BTNL8: variants seen among roughly 807,000 people sequenced by gnomAD.
BTNL8 encodes the protein butyrophilin-like protein 8.
BTNL8 carries 22 observed loss-of-function variants against 36.1 expected under a neutral mutation model. The observed-to-expected ratio is 0.61, with a 90% CI of 0.44 to 0.87. BTNL8 has a LOEUF of 0.87. Ranked by LOEUF, BTNL8 falls within the 40% of genes least tolerant of loss-of-function variation. The pLI is 0.00. For missense variants in BTNL8, 526 were observed against 616.9 expected, an observed-to-expected ratio of 0.85 and a Z score of 1.56; for synonymous variants, 203 against 235.6, an observed-to-expected ratio of 0.86 and a Z score of 1.27.
intron 3 of BTNL8, among the ~76,000 whole-genome samples, chr5:180,937,163 C>T (rs1758691821): frequency 1.3e-5 from 2 of 152,226 alleles, no homozygotes; most frequent in South Asian, 2.1e-4. Context: ...CTACGTGCAT[C>T]GTCTAGGACT....
At chr5:180,928,164 A>G (rs1195214975) in intron 3 of BTNL8, among the ~76,000 whole-genome samples, 1 of 152,216 alleles carries the variant, frequency 6.6e-6, no homozygotes, top group Admixed American at 6.5e-5. Context: ...GCCAGAAGAG[A>G]GTGAGGGCTA....
At chr5:180,910,744 C>T (rs1045562016) in intron 2 of BTNL8, among the ~76,000 whole-genome samples, 2 of 152,196 alleles carry the variant, frequency 1.3e-5, no homozygotes, top group African/African-American at 4.8e-5. Context: ...ACACTTTTCT[C>T]TACTCTGTCT....
At chr5:180,911,890 G>A (rs1757418094) in intron 3 of BTNL8, among the ~76,000 whole-genome samples, 1 of 152,100 alleles carries the variant, frequency 6.6e-6, no homozygotes, top group Non-Finnish European at 1.5e-5. Flanking sequence ...ACTTGACTGG[G>A]TCACGATTTG....
intron 3 of BTNL8, among the ~76,000 whole-genome samples, chr5:180,914,056 T>G (rs1042999827): frequency 3.9e-5 from 6 of 152,192 alleles, no homozygotes; most frequent in African/African-American, 1.2e-4. Flanking sequence ...TACAAAAACT[T>G]TGAAGAAAAT....
At chr5:180,944,740 AC>A (rs1759157088) in intron 3 of BTNL8, among the ~76,000 whole-genome samples, 1 of 152,238 alleles carries the variant, frequency 6.6e-6, no homozygotes, top group African/African-American at 2.4e-5. Context: ...CATATTGTAC[AC>A]ATATATCAAA....
chr5:180,939,082 T>C (rs747136735), intron 3 of BTNL8, among the ~76,000 whole-genome samples: 34 of 152,058 alleles, frequency 2.2e-4, no homozygotes, highest in Admixed American at 6.6e-5. Context: ...TTTATCACTA[T>C]AGTAATCCAT....
intron 1 of BTNL8, among the ~76,000 whole-genome samples, chr5:180,908,219 C>T (rs995961414): frequency 1.1e-4 from 17 of 152,188 alleles, no homozygotes; most frequent in African/African-American, 3.4e-4. Flanking sequence ...CGTGGTGCGC[C>T]GTTTCTTAAG....
At chr5:180,936,288 GA>G (rs1315117859) in intron 3 of BTNL8, among the ~76,000 whole-genome samples, 1 of 151,952 alleles carries the variant, frequency 6.6e-6, no homozygotes, top group Non-Finnish European at 1.5e-5. Context: ...ACATTGGAAA[GA>G]AAAAAGTAAA....
rs554452426 is a variant in BTNL8, at chr5:180,947,904, A to G, written c.787+279A>G. On this transcript the variant is annotated intron_variant, in intron 4 of 7. Transcript: ENST00000340184. Reference sequence around the variant, plus strand: ...AGAGCTTGGATAATTTTCCATGAACACCACCAAGACTCCTATTAAAAAGTT... The same window carrying G: ...AGAGCTTGGATAATTTTCCATGAACGCCACCAAGACTCCTATTAAAAAGTT... The G allele has an allele frequency of 2.7e-6, 3 of 1,102,524 alleles. No homozygotes were observed. In the South Asian group the frequency reaches 4.7e-5, roughly 17 times the overall value. 68.3% of individuals were successfully genotyped at this position (1,102,524 alleles called of 1,614,324 possible). A position where few individuals can be genotyped will look rare whatever the true frequency, so the allele number is the denominator to read the frequency against.
intron 3 of BTNL8, among the ~76,000 whole-genome samples, chr5:180,932,616 T>A (rs1463932371): frequency 6.6e-6 from 1 of 152,206 alleles, no homozygotes; most frequent in Non-Finnish European, 1.5e-5. Context: ...CCCAAAGTGC[T>A]GGGATTACAG....
chr5:180,927,057 G>A (rs975165479), intron 3 of BTNL8, among the ~76,000 whole-genome samples: 3 of 152,162 alleles, frequency 2.0e-5, no homozygotes, highest in African/African-American at 7.2e-5. Flanking sequence ...GTCGACAGAC[G>A]CCTCATACAG....
Position 180,908,708 on chromosome 5 carries a change from G to A in BTNL8, c.172G>A (p.Gly58Ser), listed in dbSNP as rs1278140311. Reference sequence around the variant, plus strand: ...GGCCATGGAAGTGCGGTTCTTCAGGGGCCAGTTCTCTAGCGTGGTCCACCT... The same window carrying A: ...GGCCATGGAAGTGCGGTTCTTCAGGAGCCAGTTCTCTAGCGTGGTCCACCT... ...AEAMEVRFFRGQFSSVVHLYR... is the reference protein window; with the variant it reads ...AEAMEVRFFRSQFSSVVHLYR... Residue 58 changes from glycine (G) to serine (S), a missense_variant, in exon 2 of 8, where the codon GGC becomes AGC. Physicochemically the swap from Gly to Ser is moderately conservative, Grantham distance 56. Coordinates refer to ENST00000340184, the MANE Select transcript of BTNL8 (RefSeq NM_001040462.3). The A allele has an allele frequency of 1.2e-6, 2 of 1,614,224 alleles. No homozygotes were observed. Among genetic ancestry groups the A allele is most frequent in the Non-Finnish European group, 1.7e-6 (2 of 1,180,036 alleles).
chr5:180,906,791 T>G (rs1757103094), intron 1 of BTNL8, among the ~76,000 whole-genome samples: 1 of 107,352 alleles, frequency 9.3e-6, no homozygotes, highest in Non-Finnish European at 1.8e-5. Context: ...AAGCTTAGTT[T>G]GGCTGGATAT....
At chr5:180,905,232 A>G (rs1757025614) in intron 1 of BTNL8, among the ~76,000 whole-genome samples, 1 of 150,946 alleles carries the variant, frequency 6.6e-6, no homozygotes, top group Admixed American at 6.6e-5. Flanking sequence ...CAGAGATTCA[A>G]CTTCTTCCTG....
At position 180,947,600 on chromosome 5, in the gene BTNL8, G is replaced by A. The variant is rs1008964349; in HGVS notation, c.762G>A (p.Leu254=). The change falls in exon 4 of 8, where the codon CTG becomes CTA. Residue 254 remains leucine (L), a synonymous_variant. Coordinates refer to ENST00000340184, the MANE Select transcript of BTNL8 (RefSeq NM_001040462.3). ...GCCTATTTTTTGGCATTGTTGGACT[G>A]AAGATTTTCTTCTCCAAATTCCAGT... The part of the protein sequence containing the change: ...CCGLFFGIVG[L]KIFFSKFQWK... 2 of 1,614,196 alleles carry A rather than the reference G, an allele frequency of 1.2e-6. No homozygotes were observed. The highest frequency in any genetic ancestry group is 1.1e-5 in the South Asian group (1 of 91,082).
rs375624272 is a variant in BTNL8, at chr5:180,946,798, T to C, written c.674-714T>C. On this transcript the variant is annotated intron_variant, in intron 3 of 7. Coordinates refer to ENST00000340184, the MANE Select transcript of BTNL8 (RefSeq NM_001040462.3). ...TAAAAATGATAAGTAAGGGAGATGATGGATGTCTTAATTAGCTTGATTTAA... is the reference window on the plus strand; with the variant it reads ...TAAAAATGATAAGTAAGGGAGATGACGGATGTCTTAATTAGCTTGATTTAA... 2.0e-5 allele frequency among the ~76,000 whole-genome samples: 3 copies of C among 152,234 alleles called. No individual in the cohort carries two copies. The East Asian group carries it at 5.8e-4, about 29-fold the overall frequency.
intron 2 of BTNL8, chr5:180,909,455 T>C (rs773666201): frequency 1.3e-5 from 10 of 774,620 alleles, no homozygotes; most frequent in Non-Finnish European, 1.6e-5. Context: ...GTCCTACAAA[T>C]TTTTTGTTTA....
chr5:180,950,274 G>A lies in BTNL8; in HGVS notation c.1233G>A (p.Leu411=). The part of the protein sequence containing the change: ...RTPPTKIGVF[L]DYECGTISFF... ...CACCTACAAAAATAGGGGTCTTCCT[G>A]GACTATGAGTGTGGGACCATCTCCT... Residue 411 remains leucine (L), a synonymous_variant, in exon 8 of 8, where the codon CTG becomes CTA. Transcript: ENST00000340184. 1 of 1,463,520 alleles carries A rather than the reference G, an allele frequency of 6.8e-7. No homozygotes were observed. The highest frequency in any genetic ancestry group is 9.4e-7 in the Non-Finnish European group (1 of 1,059,026). 90.7% of individuals were successfully genotyped at this position (1,463,520 alleles called of 1,614,324 possible).
Position 180,950,189 on chromosome 5 carries a change from A to G in BTNL8, c.1148A>G (p.Asn383Ser), listed in dbSNP as rs376465401. Residue 383 changes from asparagine to serine, a missense_variant, in exon 8 of 8, where the codon AAT (asparagine) becomes AGT (serine). Coordinates refer to ENST00000340184, the MANE Select transcript of BTNL8 (RefSeq NM_001040462.3). ...PDHGYWVLRL[N>S]GEHLYFTLNP... ...CATGGGTACTGGGTCCTCAGACTGA[A>G]TGGAGAACATTTGTATTTCACATTA... The G allele has an allele frequency of 2.6e-5, 38 of 1,463,088 alleles. 4 individuals carry two copies. In the African/African-American group the frequency reaches 4.1e-4, roughly 16 times the overall value. The allele number at this position is 1,463,088 out of a possible 1,614,324, so 90.6% of individuals were successfully genotyped here. A position where few individuals can be genotyped will look rare whatever the true frequency, so the allele number is the denominator to read the frequency against.
Sources: gnomAD v4.1 joint callset for allele counts (sites outside exome capture counted in the v4.1 genomes callset) on GRCh38, gnomAD v4.1.1 for gene constraint, MANE v1.5 for transcripts, NCBI Gene and HGNC (gene_info 2026-07-23, HGNC 2026-07-21) for gene names.